The following DCLK2 variants were observed in gnomAD, a reference collection of about 807,000 sequenced individuals.
The protein encoded by DCLK2 is serine/threonine-protein kinase DCLK2.
In DCLK2, 31 loss-of-function variants were observed where a neutral mutation model predicts 78.4. The ratio of observed to expected loss-of-function variants is 0.40; its 90% confidence interval spans 0.30 to 0.53. DCLK2 has a LOEUF of 0.53. Ranked by LOEUF, DCLK2 falls within the 20% of genes least tolerant of loss-of-function variation. The probability of loss-of-function intolerance (pLI) is 0.61; values close to 1 mark genes in which losing one functional copy is unlikely to be tolerated. For missense variants in DCLK2, 872 were observed against 973.7 expected (o/e 0.90, Z 1.39); for synonymous variants, 407 against 374.9 (o/e 1.09, Z -0.99).
At chr4:150,156,728 TAGGG>T (rs941073783) in intron 2 of DCLK2, among the ~76,000 whole-genome samples, 5 of 150,274 alleles carry the variant, frequency 3.3e-5, no homozygotes, top group African/African-American at 1.2e-4. Context: ...ATATAGGTTT[TAGGG>T]AGTAACTATT....
At chr4:150,225,614 C>T (rs967034050) in intron 8 of DCLK2, among the ~76,000 whole-genome samples, 1 of 152,114 alleles carries the variant, frequency 6.6e-6, no homozygotes, top group Non-Finnish European at 1.5e-5. Context: ...AAATACACAC[C>T]AGATTTTGAA....
chr4:150,095,763 G>A lies in DCLK2; in HGVS notation c.422-6715G>A, dbSNP rs532572568. ...TTTAAAAGCTTTTCAGTGTATGAAG[G>A]TTCCTATTGCTTTACTAAACTCTTT... is the stretch of plus-strand genomic sequence containing the variant. On this transcript the variant is annotated intron_variant, in intron 1 of 15. Transcript: ENST00000296550. 8.5e-5 allele frequency among the ~76,000 whole-genome samples: 13 copies of A among 152,310 alleles called. No individual in the cohort carries two copies. The South Asian group carries it at 2.7e-3, about 32-fold the overall frequency.
intron 7 of DCLK2, among the ~76,000 whole-genome samples, chr4:150,223,698 T>A (rs1741371487): frequency 6.6e-6 from 1 of 151,952 alleles, no homozygotes; most frequent in South Asian, 2.1e-4. Context: ...GAGCCAAGAT[T>A]GCGCCATTGC....
intron 2 of DCLK2, among the ~76,000 whole-genome samples, chr4:150,151,701 G>C (rs934228103): frequency 1.3e-5 from 2 of 152,170 alleles, no homozygotes; most frequent in Non-Finnish European, 2.9e-5. Context: ...AAGGCAGGTA[G>C]ATCACCAGAG....
At chr4:150,194,464 C>G (rs1371327064) in intron 3 of DCLK2, among the ~76,000 whole-genome samples, 1 of 152,120 alleles carries the variant, frequency 6.6e-6, no homozygotes, top group Non-Finnish European at 1.5e-5. Context: ...AAAAAATCCC[C>G]TTTTGCTAAC....
intron 2 of DCLK2, among the ~76,000 whole-genome samples, chr4:150,141,460 G>A (rs1462644637): frequency 6.6e-6 from 1 of 152,156 alleles, no homozygotes; most frequent in Non-Finnish European, 1.5e-5. Flanking sequence ...AGAAGAATAA[G>A]CACTTAAAGT....
intron 6 of DCLK2, 109 bp downstream of exon 6, chr4:150,220,887 G>C: frequency 1.2e-6 from 1 of 858,952 alleles, no homozygotes; most frequent in Non-Finnish European, 1.9e-6. Flanking sequence ...AGAGGGATGT[G>C]ATCACATCAC....
At chr4:150,196,874 C>A (rs1739077050) in intron 3 of DCLK2, among the ~76,000 whole-genome samples, 1 of 152,290 alleles carries the variant, frequency 6.6e-6, no homozygotes, top group East Asian at 1.9e-4. Context: ...AGCTATTCAG[C>A]TGGGCACGGT....
At chr4:150,181,401 A>C (rs1163861946) in intron 2 of DCLK2, among the ~76,000 whole-genome samples, 1 of 152,086 alleles carries the variant, frequency 6.6e-6, no homozygotes, top group Non-Finnish European at 1.5e-5. Context: ...CTGACATAGA[A>C]ATGACCTCTT....
chr4:150,117,060 A>G (rs990607647), intron 2 of DCLK2, among the ~76,000 whole-genome samples: 8 of 152,086 alleles, frequency 5.3e-5, no homozygotes, highest in African/African-American at 1.2e-4. Context: ...TGGAGGGACA[A>G]TGCCAGGTGG....
intron 8 of DCLK2, among the ~76,000 whole-genome samples, chr4:150,227,364 T>C (rs915926033): frequency 2.6e-5 from 4 of 152,170 alleles, no homozygotes; most frequent in Non-Finnish European, 5.9e-5. Context: ...AAGAATAGGG[T>C]GATGTATAAA....
intron 1 of DCLK2, among the ~76,000 whole-genome samples, chr4:150,086,786 G>A (rs977342127): frequency 3.3e-5 from 5 of 151,972 alleles, no homozygotes; most frequent in African/African-American, 7.3e-5. Flanking sequence ...GATTACAGGC[G>A]TGAACCACCG....
At chr4:150,193,105 AATTT>A (rs1560854192) in intron 2 of DCLK2, 29 bp from the exon 3 acceptor site, 1 of 1,324,818 alleles carries the variant, frequency 7.5e-7, no homozygotes, top group Non-Finnish European at 1.1e-6. Flanking sequence ...TAATGTGTCT[AATTT>A]ATTTCTTGGA....
At chr4:150,083,568 G>C (rs762654031) in intron 1 of DCLK2, among the ~76,000 whole-genome samples, 43 of 152,154 alleles carry the variant, frequency 2.8e-4, no homozygotes, top group Non-Finnish European at 5.1e-4. Context: ...AAGTAAAAAT[G>C]AATTTCCATA....
chr4:150,205,545 T>G (rs1739785276), intron 5 of DCLK2, among the ~76,000 whole-genome samples: 1 of 152,200 alleles, frequency 6.6e-6, no homozygotes, highest in Admixed American at 6.5e-5. Flanking sequence ...AGTACTAACT[T>G]GACTTAAGTC....
intron 5 of DCLK2, 45 bp downstream of exon 5, chr4:150,203,934 A>G: frequency 6.5e-7 from 1 of 1,535,164 alleles, no homozygotes; most frequent in Non-Finnish European, 9.0e-7. Flanking sequence ...TTTGTTATTT[A>G]GAGTTTCATA....
At chr4:150,118,623 T>C (rs1732282575) in intron 2 of DCLK2, among the ~76,000 whole-genome samples, 1 of 147,658 alleles carries the variant, frequency 6.8e-6, no homozygotes, top group Non-Finnish European at 1.5e-5. Context: ...TGTAAACAAT[T>C]CAGAAATACG....
At chr4:150,113,468 T>C (rs567013102) in intron 2 of DCLK2, among the ~76,000 whole-genome samples, 2 of 152,306 alleles carry the variant, frequency 1.3e-5, no homozygotes, top group African/African-American at 4.8e-5. Context: ...TTCTTTCTGA[T>C]TCAAGCTAGT....
Position 150,175,011 on chromosome 4 carries a change from A to AAAAAAAAAAAAATATAT in DCLK2, c.757-18126_757-18125insAAAAAAAAAAATATATA, listed in dbSNP as rs1454035697. On this transcript the variant is annotated intron_variant, in intron 2 of 15. Coordinates refer to ENST00000296550, the MANE Select transcript of DCLK2 (RefSeq NM_001040260.4). Reference sequence around the variant, plus strand: ...AGACTCCGTCGCAAAAAAAAAAAAAAATATATATATATATATATATATTTA... The same window carrying AAAAAAAAAAAAATATAT: ...AGACTCCGTCGCAAAAAAAAAAAAAAAAAAAAAAAAAATATATATATATATATATATATATATATTTA... 1.1e-3 allele frequency among the ~76,000 whole-genome samples: 11 copies of AAAAAAAAAAAAATATAT among 9,976 alleles called. 5 individuals are homozygous for AAAAAAAAAAAAATATAT. The highest frequency in any genetic ancestry group is 1.9e-3 in the Non-Finnish European group (8 of 4,166). 6.5% of individuals were successfully genotyped at this position (9,976 alleles called of 152,430 possible).
Sources: allele counts gnomAD v4.1 joint callset (sites outside exome capture counted in the v4.1 genomes callset), GRCh38; gene constraint gnomAD v4.1.1; transcripts MANE v1.5; gene names NCBI Gene and HGNC (gene_info 2026-07-23, HGNC 2026-07-21).